Variants in FAM234A observed in about 807,000 individuals in gnomAD.
FAM234A encodes the protein family with sequence similarity 234 member A, also known as protein FAM234A.
Under a neutral mutation model 49.1 loss-of-function variants are expected in FAM234A, and 42 were observed. That is an observed-to-expected ratio of 0.86 (90% CI 0.67 to 1.11). FAM234A has a LOEUF of 1.11. FAM234A is among the 50% of genes least tolerant of loss of function. FAM234A has a pLI of 0.00. For synonymous variants in FAM234A, 369 were observed against 316.2 expected, an observed-to-expected ratio of 1.17 and a Z score of -1.77; for missense variants, 815 against 745.2, an observed-to-expected ratio of 1.09 and a Z score of -1.09.
chr16:267,380 C>T (rs938836337), downstream of FAM234A, among the ~76,000 whole-genome samples: 3 of 152,106 alleles, frequency 2.0e-5, no homozygotes, highest in African/African-American at 7.2e-5. Context: ...CCCTCCTCCA[C>T]CATCGACTCC....
At chr16:262,280 CTG>C in intron 7 of FAM234A, 55 bp downstream of exon 7, 1 of 1,600,180 alleles carries the variant, frequency 6.2e-7, no homozygotes, top group South Asian at 1.1e-5. Flanking sequence ...CATGACTGCC[CTG>C]CGGCTCCTCA....
chr16:267,488 A>G (rs1185993179), downstream of FAM234A, among the ~76,000 whole-genome samples: 1 of 132,146 alleles, frequency 7.6e-6, no homozygotes, highest in African/African-American at 3.2e-5. Flanking sequence ...CACCTCATAC[A>G]TGCAATGTGC....
In FAM234A at chr16:254,820, G is replaced by A. The variant is rs564520632; in HGVS notation, c.268+139G>A. 2.4e-3 allele frequency: 2,061 copies of A among 865,168 alleles called. 5 individuals carry two copies. Among genetic ancestry groups the A allele is most frequent in the Middle Eastern group, 5.5e-3 (15 of 2,728 alleles). The allele number at this position is 865,168 out of a possible 1,614,324, so 53.6% of individuals were successfully genotyped here. On this transcript the variant is annotated intron_variant, in intron 3 of 12. Coordinates refer to ENST00000399932, the MANE Select transcript of FAM234A (RefSeq NM_032039.4). ...AATCCCAAGAGGCTGCCAGTTCTATGTCCAAGGTTTTCCCGGAGTTTTAGG... is the reference window on the plus strand; with the variant it reads ...AATCCCAAGAGGCTGCCAGTTCTATATCCAAGGTTTTCCCGGAGTTTTAGG...
intron 1 of FAM234A, among the ~76,000 whole-genome samples, chr16:241,821 G>A (rs1303200145): frequency 6.7e-6 from 1 of 149,730 alleles, no homozygotes; most frequent in African/African-American, 2.5e-5. Flanking sequence ...GGAGGCTGAG[G>A]CTTGAAACCA....
chr16:258,187 G>A (rs1035496108), intron 3 of FAM234A, among the ~76,000 whole-genome samples: 1 of 149,432 alleles, frequency 6.7e-6, no homozygotes, highest in Non-Finnish European at 1.5e-5. Flanking sequence ...GATCATTCTT[G>A]GGTGTTTCTC....
chr16:235,440 A>C (rs143564038), intron 1 of FAM234A, among the ~76,000 whole-genome samples: 1 of 152,110 alleles, frequency 6.6e-6, no homozygotes, highest in Non-Finnish European at 1.5e-5. Flanking sequence ...CAGAGGCTAG[A>C]TGGGAGGAAA....
intron 1 of FAM234A, among the ~76,000 whole-genome samples, chr16:243,112 C>G (rs2050677978): frequency 6.6e-6 from 1 of 151,962 alleles, no homozygotes; most frequent in South Asian, 2.1e-4. Flanking sequence ...TCCCAGGTAG[C>G]TGGGACTACA....
chr16:269,535 T>G (rs779374363), downstream of FAM234A: 1 of 1,613,420 alleles, frequency 6.2e-7, no homozygotes, highest in Non-Finnish European at 8.5e-7. Context: ...TCCCAGCCTC[T>G]GCCAGGAGGG....
At chr16:260,190 T>G (rs1567222702) in intron 5 of FAM234A, 30 bp downstream of exon 5, 2 of 1,603,564 alleles carry the variant, frequency 1.2e-6, no homozygotes. Context: ...GGGTTCTCAC[T>G]GAGGGCCTCT....
intron 1 of FAM234A, among the ~76,000 whole-genome samples, chr16:239,778 G>A (rs1474316803): frequency 6.6e-6 from 1 of 152,102 alleles, no homozygotes; most frequent in African/African-American, 2.4e-5. Flanking sequence ...TTATTTTTAG[G>A]AGGCATTGTG....
intron 3 of FAM234A, among the ~76,000 whole-genome samples, chr16:257,889 G>T (rs767981528): frequency 6.6e-6 from 1 of 151,592 alleles, no homozygotes; most frequent in Non-Finnish European, 1.5e-5. Context: ...ATCGAGTCTC[G>T]CTCTGTCGCC....
At chr16:252,085 C>T (rs897370730) in intron 2 of FAM234A, among the ~76,000 whole-genome samples, 3 of 151,058 alleles carry the variant, frequency 2.0e-5, no homozygotes, top group Admixed American at 6.6e-5. Flanking sequence ...ACTGCAGCCT[C>T]GAGCAATCCT....
At chr16:269,553 C>T (rs1385809870), downstream of FAM234A, 4 of 1,613,426 alleles carry the variant, frequency 2.5e-6, no homozygotes, top group Non-Finnish European at 3.4e-6. Context: ...GGGCCTTGTA[C>T]ATGTCAGACT....
chr16:260,524 A>G (rs1475194481), intron 5 of FAM234A: 1 of 485,186 alleles, frequency 2.1e-6, no homozygotes, highest in Non-Finnish European at 4.2e-6. Context: ...CAGAACATGA[A>G]CCAGCACTCG....
intron 3 of FAM234A, among the ~76,000 whole-genome samples, chr16:258,297 TGCGGCCTTCC>T (rs1460466843): frequency 6.6e-6 from 1 of 152,204 alleles, no homozygotes; most frequent in Non-Finnish European, 1.5e-5. Flanking sequence ...CAGAGGTCCC[TGCGGCCTTCC>T]GCAGTGTTTG....
intron 1 of FAM234A, among the ~76,000 whole-genome samples, chr16:246,278 G>C (rs2050800025): frequency 6.7e-6 from 1 of 149,794 alleles, no homozygotes; most frequent in Non-Finnish European, 1.5e-5. Flanking sequence ...TATCTTGATT[G>C]GTGGATTTTT....
At chr16:269,520 C>T (rs780702342), downstream of FAM234A, 38 of 1,613,082 alleles carry the variant, frequency 2.4e-5, no homozygotes, top group South Asian at 6.6e-5. Context: ...TCATCTCCAG[C>T]GGGATCCCAG....
chr16:267,207 C>T (rs1418867840), downstream of FAM234A, among the ~76,000 whole-genome samples: 1 of 152,086 alleles, frequency 6.6e-6, no homozygotes, highest in Non-Finnish European at 1.5e-5. Context: ...CTGCCCCTCC[C>T]CAGAGGCTTC....
rs1206614917 is a variant in FAM234A, at chr16:260,156, C to T, written c.573C>T (p.Phe191=). Residue 191 remains phenylalanine (F), a synonymous_variant, in exon 5 of 13, where the codon TTC becomes TTT. Coordinates refer to ENST00000399932, the MANE Select transcript of FAM234A (RefSeq NM_032039.4). ...GTTCTTTCATTGCAGTCAACTTGTT[C>T]ACAGGTAGGCCAGCCAGGCAGCGGG... ...RPSSFIAVNL[F]TGETLWNHSS... is the part of the protein sequence containing the mutation. 1 of 1,613,264 alleles carries T rather than the reference C, an allele frequency of 6.2e-7. No individual in the cohort carries two copies. The highest frequency in any genetic ancestry group is 8.5e-7 in the Non-Finnish European group (1 of 1,179,896).
Sources: gnomAD v4.1 joint callset for allele counts (sites outside exome capture counted in the v4.1 genomes callset) on GRCh38, gnomAD v4.1.1 for gene constraint, MANE v1.5 for transcripts, NCBI Gene and HGNC (gene_info 2026-07-23, HGNC 2026-07-21) for gene names.